PDE4D: variants seen among roughly 807,000 people sequenced by gnomAD.
The protein encoded by PDE4D is 3',5'-cyclic-AMP phosphodiesterase 4D.
A neutral mutation model predicts 87.4 loss-of-function variants in PDE4D; 24 were observed. That is an observed-to-expected ratio of 0.27 (90% confidence interval 0.20 to 0.39). PDE4D has a LOEUF of 0.39. Ranked by LOEUF, PDE4D falls within the 10% of genes least tolerant of loss-of-function variation. PDE4D has a pLI of 1.00. For synonymous variants in PDE4D, 384 were observed against 383.2 expected, an observed-to-expected ratio of 1.00 and a Z score of -0.02; for missense variants, 714 against 1,041.0, an observed-to-expected ratio of 0.69 and a Z score of 4.32.
In PDE4D at chr5:59,998,752, A is replaced by G. The variant is rs79116841; in HGVS notation, c.43-10035T>C. 2.5e-3 allele frequency among the ~76,000 whole-genome samples: 386 copies of G among 152,264 alleles called. 2 individuals carry two copies. Among genetic ancestry groups the G allele is most frequent in the Non-Finnish European group, 2.4e-3 (165 of 68,002 alleles). On this transcript the variant is annotated intron_variant, in intron 2 of 16. Transcript: ENST00000502484. ...TTACCATGAAGCCACAATAACAACCAAAAGTGTGGTACCTTCAAATAATCA... is the reference window on the plus strand; with the variant it reads ...TTACCATGAAGCCACAATAACAACCGAAAGTGTGGTACCTTCAAATAATCA...
intron 1 of PDE4D, among the ~76,000 whole-genome samples, chr5:60,485,296 T>C (rs879330919): frequency 6.6e-6 from 1 of 152,060 alleles, no homozygotes; most frequent in African/African-American, 2.4e-5. Flanking sequence ...GTAAGAATTA[T>C]TAAATTCTTG....
chr5:60,057,816 T>C (rs755448364), intron 2 of PDE4D, among the ~76,000 whole-genome samples: 5 of 152,040 alleles, frequency 3.3e-5, no homozygotes, highest in Admixed American at 1.3e-4. Flanking sequence ...ATAGAAGTTA[T>C]ATATTCCTGT....
chr5:59,209,171 T>A (rs536962176), intron 2 of PDE4D, among the ~76,000 whole-genome samples: 1 of 152,290 alleles, frequency 6.6e-6, no homozygotes, highest in South Asian at 2.1e-4. Flanking sequence ...CACATAGAGA[T>A]CTGATTTATC....
chr5:59,869,819 A>T (rs1747560705), intron 1 of PDE4D, among the ~76,000 whole-genome samples: 1 of 152,154 alleles, frequency 6.6e-6, no homozygotes, highest in Admixed American at 6.6e-5. Flanking sequence ...AATTTTCAGG[A>T]TTATTACCTA....
intron 1 of PDE4D, among the ~76,000 whole-genome samples, chr5:60,189,448 A>C (rs983482238): frequency 6.6e-6 from 1 of 152,128 alleles, no homozygotes; most frequent in African/African-American, 2.4e-5. Flanking sequence ...TTTTCCCCTC[A>C]TATCTCCACA....
At chr5:60,447,524 G>C (rs1210298763) in intron 1 of PDE4D, among the ~76,000 whole-genome samples, 1 of 150,800 alleles carries the variant, frequency 6.6e-6, no homozygotes, top group Non-Finnish European at 1.5e-5. Context: ...ATATAAAGTA[G>C]AAAAGAAGGA....
rs745783951 is a variant in PDE4D, at chr5:59,771,433, A to AAAAG, written c.455+121731_455+121734dup. Among the ~76,000 whole-genome samples, 104 of 93,878 alleles carry AAAAG rather than the reference A, an allele frequency of 1.1e-3. 3 individuals are homozygous for AAAAG. The highest frequency in any genetic ancestry group is 1.5e-3 in the Non-Finnish European group (73 of 47,118). 61.6% of individuals were successfully genotyped at this position (93,878 alleles called of 152,430 possible). ...AAAAAGAAGGAAAGAAAGAAAAAGA[A>AAAAG]AAAGAAAGAAAGAAAGAAAGAAAGA... On this transcript the variant is annotated intron_variant, in intron 1 of 14. Transcript: ENST00000340635.
intron 1 of PDE4D, among the ~76,000 whole-genome samples, chr5:60,266,130 C>T (rs1004183332): frequency 4.6e-5 from 7 of 151,946 alleles, no homozygotes; most frequent in East Asian, 1.9e-4. Context: ...GGGCTGGGTC[C>T]GCTGTTGTCA....
chr5:59,288,701 G>A (rs971286102), intron 1 of PDE4D, among the ~76,000 whole-genome samples: 1 of 151,796 alleles, frequency 6.6e-6, no homozygotes, highest in Non-Finnish European at 1.5e-5. Context: ...TCTGAAAAGC[G>A]GCAAGAAAAA....
chr5:60,456,054 T>C (rs1746445132), intron 1 of PDE4D, among the ~76,000 whole-genome samples: 1 of 152,050 alleles, frequency 6.6e-6, no homozygotes, highest in African/African-American at 2.4e-5. Context: ...AGCCCAAACA[T>C]CTAAGATTCA....
chr5:59,187,776 T>A (rs903053474), intron 3 of PDE4D, among the ~76,000 whole-genome samples: 2 of 152,122 alleles, frequency 1.3e-5, no homozygotes, highest in African/African-American at 4.8e-5. Flanking sequence ...GTGTGTGGGT[T>A]TTTTTTTCTT....
intron 1 of PDE4D, among the ~76,000 whole-genome samples, chr5:59,875,499 C>T (rs1182539451): frequency 7.7e-6 from 1 of 129,960 alleles, no homozygotes; most frequent in African/African-American, 2.8e-5. Flanking sequence ...AAGAAGGAAT[C>T]TGTATCCTGC....
At chr5:59,329,337 T>G (rs1167316289) in intron 1 of PDE4D, among the ~76,000 whole-genome samples, 1 of 152,142 alleles carries the variant, frequency 6.6e-6, no homozygotes, top group Admixed American at 6.6e-5. Context: ...AATGTTTTCA[T>G]GGAATCATTT....
In PDE4D at chr5:60,279,298, A is replaced by T. The variant is rs139602314; in HGVS notation, c.-89-93611T>A. Among the ~76,000 whole-genome samples the T allele has an allele frequency of 8.5e-5, 13 of 152,286 alleles. No homozygotes were observed. In the East Asian group the frequency reaches 2.1e-3, roughly 25 times the overall value. ...CAGCCCAGTCAGGAGAAGAAAGAGC[A>T]CCCTATTACTTCCAGATGGCTTTGG... On this transcript the variant is annotated intron_variant, in intron 1 of 16. Transcript: ENST00000502484.
chr5:59,063,033 T>TTA (rs1299717006), intron 5 of PDE4D: 1 of 152,128 alleles, frequency 6.6e-6, no homozygotes, highest in Non-Finnish European at 1.5e-5. Flanking sequence ...AATTTTGAGG[T>TTA]TATAATATGA....
chr5:60,405,574 C>T (rs1367109375), intron 1 of PDE4D, among the ~76,000 whole-genome samples: 1 of 152,160 alleles, frequency 6.6e-6, no homozygotes, highest in Non-Finnish European at 1.5e-5. Flanking sequence ...ACTCCCCCAA[C>T]TAAGAAAATT....
chr5:59,377,462 T>C (rs1332616862), intron 1 of PDE4D, among the ~76,000 whole-genome samples: 2 of 150,698 alleles, frequency 1.3e-5, no homozygotes, highest in East Asian at 2.0e-4. Context: ...CCAAAACCAA[T>C]TGCAACAAAG....
At chr5:60,305,816 T>C (rs1754448287) in intron 1 of PDE4D, among the ~76,000 whole-genome samples, 1 of 151,768 alleles carries the variant, frequency 6.6e-6, no homozygotes, top group Admixed American at 6.6e-5. Flanking sequence ...TATATACATG[T>C]GTGTATACAC....
chr5:60,150,697 T>C (rs1432853316), intron 2 of PDE4D, among the ~76,000 whole-genome samples: 1 of 152,146 alleles, frequency 6.6e-6, no homozygotes, highest in Non-Finnish European at 1.5e-5. Context: ...AGAAAATAGA[T>C]ATGACAAGGT....
Sources: gnomAD v4.1 joint callset for allele counts (sites outside exome capture counted in the v4.1 genomes callset) on GRCh38, gnomAD v4.1.1 for gene constraint, MANE v1.5 for transcripts, NCBI Gene and HGNC (gene_info 2026-07-23, HGNC 2026-07-21) for gene names.